The following KLHL1 variants were observed in gnomAD, a reference collection of about 807,000 sequenced individuals.
The protein encoded by KLHL1 is kelch like family member 1.
In KLHL1, 47 loss-of-function variants were observed where a neutral mutation model predicts 77.7. The observed-to-expected ratio is 0.60, with a 90% CI of 0.48 to 0.77. The LOEUF is 0.77. KLHL1 is among the 30% of genes least tolerant of loss of function. KLHL1 has a pLI of 0.00. For missense variants in KLHL1, 925 were observed against 910.8 expected (o/e 1.02, Z -0.20); for synonymous variants, 360 against 325.2 (o/e 1.11, Z -1.15).
At chr13:69,847,235 A>G (rs1015570312) in intron 5 of KLHL1, among the ~76,000 whole-genome samples, 5 of 151,370 alleles carry the variant, frequency 3.3e-5, no homozygotes, top group African/African-American at 4.8e-5. Context: ...ATTTTATAGT[A>G]AAAGCCAGAA....
chr13:69,793,783 G>A (rs1876977563), intron 7 of KLHL1, among the ~76,000 whole-genome samples: 1 of 152,138 alleles, frequency 6.6e-6, no homozygotes, highest in African/African-American at 2.4e-5. Context: ...CGATTATACT[G>A]AAGAGAGAGT....
intron 7 of KLHL1, among the ~76,000 whole-genome samples, chr13:69,747,047 T>C (rs1008593052): frequency 6.6e-6 from 1 of 152,066 alleles, no homozygotes; most frequent in Non-Finnish European, 1.5e-5. Context: ...CAGAAATGCA[T>C]GGAGAAAGTC....
chr13:69,774,983 G>A (rs1875754088), intron 7 of KLHL1, among the ~76,000 whole-genome samples: 1 of 152,096 alleles, frequency 6.6e-6, no homozygotes, highest in South Asian at 2.1e-4. Context: ...TTGTGGAAGG[G>A]GAAATGCTTT....
chr13:69,850,733 T>C (rs1879652706), intron 5 of KLHL1, among the ~76,000 whole-genome samples: 1 of 151,720 alleles, frequency 6.6e-6, no homozygotes. Context: ...CCTGCTGTCT[T>C]GTTTTAATTC....
intron 5 of KLHL1, among the ~76,000 whole-genome samples, chr13:69,869,693 A>G (rs1880506827): frequency 6.6e-6 from 1 of 152,076 alleles, no homozygotes; most frequent in South Asian, 2.1e-4. Context: ...AATAAACTAT[A>G]TTTTTCTGAT....
chr13:69,751,393 A>C (rs2137948701), intron 7 of KLHL1, among the ~76,000 whole-genome samples: 1 of 152,168 alleles, frequency 6.6e-6, no homozygotes, highest in African/African-American at 2.4e-5. Flanking sequence ...GGACACAAAT[A>C]GGTGCTACCT....
At chr13:69,819,531 A>G (rs964549378) in intron 6 of KLHL1, among the ~76,000 whole-genome samples, 4 of 152,118 alleles carry the variant, frequency 2.6e-5, no homozygotes, top group African/African-American at 9.7e-5. Context: ...TGAAAGATTT[A>G]GTGCTATCTG....
intron 5 of KLHL1, among the ~76,000 whole-genome samples, chr13:69,856,458 C>T (rs1879924052): frequency 6.6e-6 from 1 of 152,018 alleles, no homozygotes; most frequent in Non-Finnish European, 1.5e-5. Context: ...CTATTTTCTG[C>T]CAGCATCCAT....
chr13:69,721,376 C>G lies in KLHL1; in HGVS notation c.1803-1795G>C, dbSNP rs1225082587. Reference sequence around the variant, plus strand: ...ATAAAATCAAGCTGTGCCCCAACCACCTTTGGCACACATTGTCAGGTCTCC... The same window carrying G: ...ATAAAATCAAGCTGTGCCCCAACCAGCTTTGGCACACATTGTCAGGTCTCC... On this transcript the variant is annotated intron_variant, in intron 8 of 10. Coordinates refer to ENST00000377844, the MANE Select transcript of KLHL1 (RefSeq NM_020866.3). Among the ~76,000 whole-genome samples the G allele has an allele frequency of 2.6e-5, 4 of 151,392 alleles. No individual in the cohort carries two copies. In the Admixed American group the frequency reaches 2.6e-4, roughly 10 times the overall value.
At chr13:69,955,880 T>C (rs1883849583) in intron 3 of KLHL1, among the ~76,000 whole-genome samples, 2 of 138,908 alleles carry the variant, frequency 1.4e-5, no homozygotes, top group Non-Finnish European at 3.1e-5. Flanking sequence ...TATATATATT[T>C]ATATATATAT....
intron 1 of KLHL1, among the ~76,000 whole-genome samples, chr13:69,990,239 A>C (rs1002171429): frequency 4.6e-5 from 7 of 152,040 alleles, no homozygotes; most frequent in African/African-American, 1.7e-4. Context: ...ACAGACAGTG[A>C]CCTTATAAAG....
chr13:69,971,658 C>T (rs57793771), intron 2 of KLHL1, among the ~76,000 whole-genome samples: 33,113 of 151,876 alleles, frequency 0.22, 4,071 homozygotes, highest in African/African-American at 0.33. Flanking sequence ...ATATACTACT[C>T]ATTTCCTTAT....
At chr13:69,937,175 G>A (rs1883212820) in intron 4 of KLHL1, among the ~76,000 whole-genome samples, 1 of 152,302 alleles carries the variant, frequency 6.6e-6, no homozygotes, top group East Asian at 1.9e-4. Flanking sequence ...AAGATCTGGA[G>A]ATGGAAGTTG....
chr13:69,797,043 T>C, intron 6 of KLHL1, 81 bp from the exon 7 acceptor site: 1 of 1,111,998 alleles, frequency 9.0e-7, no homozygotes, highest in Non-Finnish European at 1.3e-6. Flanking sequence ...CAAATTAGGA[T>C]GTGAAAACAC....
intron 6 of KLHL1, among the ~76,000 whole-genome samples, chr13:69,806,392 C>T (rs9572295): frequency 0.36 from 55,093 of 151,862 alleles, 10,401 homozygotes; most frequent in African/African-American, 0.46. Context: ...CTGACTAGAC[C>T]CAAGTAGCAT....
intron 4 of KLHL1, among the ~76,000 whole-genome samples, chr13:69,914,139 C>T (rs551394569): frequency 5.8e-4 from 88 of 152,250 alleles, no homozygotes; most frequent in Non-Finnish European, 9.4e-4. Flanking sequence ...AGCTTGCAGA[C>T]GGCCTATTGT....
chr13:70,087,913 G>C (rs185578292), intron 1 of KLHL1, among the ~76,000 whole-genome samples: 1 of 152,190 alleles, frequency 6.6e-6, no homozygotes, highest in East Asian at 1.9e-4. Context: ...ACTGGGGCCT[G>C]TTGGGGTTGG....
intron 2 of KLHL1, among the ~76,000 whole-genome samples, chr13:69,968,542 T>A (rs936830563): frequency 8.2e-5 from 12 of 146,372 alleles, no homozygotes; most frequent in African/African-American, 1.3e-4. Context: ...GGTTGAAATT[T>A]AAAAAAAAAA....
intron 6 of KLHL1, among the ~76,000 whole-genome samples, chr13:69,828,248 C>CAT (rs1234055942): frequency 1.3e-5 from 2 of 150,390 alleles, no homozygotes; most frequent in Non-Finnish European, 2.9e-5. Context: ...CCTCCAAGTA[C>CAT]ATATGCTCAC....
Sources: gnomAD v4.1 joint callset for allele counts (sites outside exome capture counted in the v4.1 genomes callset) on GRCh38, gnomAD v4.1.1 for gene constraint, MANE v1.5 for transcripts, NCBI Gene and HGNC (gene_info 2026-07-23, HGNC 2026-07-21) for gene names.